Variants in TRPS1 observed in about 807,000 individuals in gnomAD.
The protein encoded by TRPS1 is zinc finger transcription factor Trps1.
A neutral mutation model predicts 101.2 loss-of-function variants in TRPS1; 6 were observed. The ratio of observed to expected loss-of-function variants is 0.06; its 90% CI spans 0.03 to 0.12. The LOEUF is 0.12. Among genes scored for constraint, TRPS1 ranks in the 10% least tolerant of loss-of-function variants. The probability of loss-of-function intolerance (pLI) is 1.00; values close to 1 mark genes in which losing one functional copy is unlikely to be tolerated. For missense variants in TRPS1, 1,363 were observed against 1,567.0 expected, an observed-to-expected ratio of 0.87 and a Z score of 2.20; for synonymous variants, 578 against 589.8, an observed-to-expected ratio of 0.98 and a Z score of 0.29.
Position 115,418,517 on chromosome 8 carries a change from C to A in TRPS1, c.2701-65G>T. The A allele has an allele frequency of 6.2e-7, 1 of 1,611,520 alleles. No homozygotes were observed. Among genetic ancestry groups the A allele is most frequent in the Non-Finnish European group, 8.5e-7 (1 of 1,178,166 alleles). ...CATGATCAGTGGAGTTAGACCAAAT[C>A]AACCCAGGAGTTTTGTCTTTAAACT... On this transcript the variant is annotated intron_variant, in intron 5 of 6. Transcript: ENST00000395715. The surrounding 1 kb of genome is among the most constrained non-coding windows in gnomAD (Gnocchi z 4.3).
At chr8:115,596,543 G>A (rs949165529) in intron 4 of TRPS1, among the ~76,000 whole-genome samples, 8 of 151,800 alleles carry the variant, frequency 5.3e-5, no homozygotes, top group South Asian at 2.1e-4. Flanking sequence ...AGATCTATGC[G>A]TGTGTAGAGA....
intron 5 of TRPS1, among the ~76,000 whole-genome samples, chr8:115,549,644 A>C (rs1816657366): frequency 6.6e-6 from 1 of 151,462 alleles, no homozygotes; most frequent in Admixed American, 6.6e-5. Context: ...ACCTTGGTCA[A>C]GTAGCTTCTC....
At chr8:115,461,515 C>T (rs1814177812) in intron 5 of TRPS1, among the ~76,000 whole-genome samples, 1 of 152,152 alleles carries the variant, frequency 6.6e-6, no homozygotes, top group African/African-American at 2.4e-5. Flanking sequence ...TCTTATTCAC[C>T]CATGTGTCCC....
At chr8:115,648,914 T>C (rs1297675728) in intron 1 of TRPS1, among the ~76,000 whole-genome samples, 1 of 152,066 alleles carries the variant, frequency 6.6e-6, no homozygotes, top group Non-Finnish European at 1.5e-5. Flanking sequence ...ATACTCCATG[T>C]GGAGCAGGGG....
At chr8:115,649,522 A>C (rs1386704089) in intron 1 of TRPS1, among the ~76,000 whole-genome samples, 4 of 152,196 alleles carry the variant, frequency 2.6e-5, no homozygotes, top group African/African-American at 9.6e-5. Flanking sequence ...TGAAGACAAC[A>C]TACAGCACAC....
chr8:115,522,051 T>C (rs1007038505), intron 5 of TRPS1, among the ~76,000 whole-genome samples: 4 of 151,952 alleles, frequency 2.6e-5, no homozygotes, highest in Non-Finnish European at 5.9e-5. Flanking sequence ...ATGTCAACAA[T>C]AAGTATGTGC....
intron 5 of TRPS1, among the ~76,000 whole-genome samples, chr8:115,474,643 G>C (rs928825170): frequency 6.6e-6 from 1 of 151,888 alleles, no homozygotes; most frequent in Admixed American, 6.6e-5. Flanking sequence ...TATGTTCAAT[G>C]GTGTTGCAAA....
At chr8:115,531,871 G>A (rs1260986631) in intron 5 of TRPS1, among the ~76,000 whole-genome samples, 1 of 152,052 alleles carries the variant, frequency 6.6e-6, no homozygotes, top group Non-Finnish European at 1.5e-5. Context: ...GGAGGCGGGT[G>A]CTTATTTCAT....
At chr8:115,646,587 TACTCTAGG>T (rs749117337) in intron 1 of TRPS1, among the ~76,000 whole-genome samples, 15 of 152,158 alleles carry the variant, frequency 9.9e-5, no homozygotes, top group Non-Finnish European at 2.2e-4. Flanking sequence ...ATGCCCCCCA[TACTCTAGG>T]ACTTGCTCCT....
intron 5 of TRPS1, among the ~76,000 whole-genome samples, chr8:115,471,844 G>C (rs1814477811): frequency 1.3e-5 from 2 of 152,308 alleles, no homozygotes; most frequent in South Asian, 4.1e-4. Flanking sequence ...TCAATGCTCT[G>C]AAATGATCTC....
At chr8:115,517,441 T>A (rs1040298510) in intron 5 of TRPS1, among the ~76,000 whole-genome samples, 8 of 151,550 alleles carry the variant, frequency 5.3e-5, no homozygotes, top group Admixed American at 4.6e-4. Flanking sequence ...ACAGTTATTA[T>A]TAAAATGAGA....
At chr8:115,527,181 A>G (rs1816018753) in intron 5 of TRPS1, among the ~76,000 whole-genome samples, 1 of 151,946 alleles carries the variant, frequency 6.6e-6, no homozygotes, top group African/African-American at 2.4e-5. Context: ...TTCAGCCCTC[A>G]GCCTTTTTTT....
rs1050318284 is a variant in TRPS1, at chr8:115,418,957, A to G, written c.2701-505T>C. 1.1e-4 allele frequency among the ~76,000 whole-genome samples: 17 copies of G among 152,196 alleles called. No homozygotes were observed. The highest frequency in any genetic ancestry group is 3.9e-4 in the African/African-American group (16 of 41,456). On this transcript the variant is annotated intron_variant, in intron 5 of 6. Transcript: ENST00000395715. The surrounding 1 kb of genome is among the most constrained non-coding windows in gnomAD (Gnocchi z 4.3). ...CGTAAGTATTACGAGAATATAAGACACTCAATTCTGGTCTTTCGTTTGCAA... is the reference window on the plus strand; with the variant it reads ...CGTAAGTATTACGAGAATATAAGACGCTCAATTCTGGTCTTTCGTTTGCAA...
intron 5 of TRPS1, among the ~76,000 whole-genome samples, chr8:115,455,572 A>G (rs1413335641): frequency 3.3e-5 from 5 of 152,172 alleles, no homozygotes; most frequent in African/African-American, 1.2e-4. Context: ...CAGGGTGTAC[A>G]TCAATGCGTT....
At position 115,619,312 on chromosome 8, in the gene TRPS1, T is replaced by A. The variant is rs759488772; in HGVS notation, c.786A>T (p.Gly262=). 1.2e-6 allele frequency: 2 copies of A among 1,614,088 alleles called. No homozygotes were observed. Among genetic ancestry groups the A allele is most frequent in the African/African-American group, 1.3e-5 (1 of 74,922 alleles). The part of the protein sequence containing the change: ...LIKHFRKYHL[G]LHNRTRQDAE... ...CATCTTGCCTGGTGCGGTTATGCAG[T>A]CCTAAGTGATACTTTCGGAAGTGCT... The change falls in exon 3 of 7, where the codon GGA becomes GGT. Residue 262 remains glycine, a synonymous_variant. Coordinates refer to ENST00000395715, the MANE Select transcript of TRPS1 (RefSeq NM_014112.5).
intron 5 of TRPS1, among the ~76,000 whole-genome samples, chr8:115,424,999 C>A (rs1207317255): frequency 1.3e-5 from 2 of 152,168 alleles, no homozygotes; most frequent in Non-Finnish European, 2.9e-5. Flanking sequence ...CTGTTGACTA[C>A]ACACCAGTAG....
In TRPS1 at chr8:115,619,920, CCGTATTTT is replaced by C; in HGVS notation, c.170_177del (p.Glu57GlyfsTer4). Reference sequence around the variant, plus strand: ...TTTAGTTCTGCAGCATCACTCTGATCCGTATTTTCTGACATCTGATCTGCAGAAAATTC... The same window carrying C: ...TTTAGTTCTGCAGCATCACTCTGATCCTGACATCTGATCTGCAGAAAATTC... On this transcript the variant is annotated frameshift_variant, in exon 3 of 7. Coordinates refer to ENST00000395715, the MANE Select transcript of TRPS1 (RefSeq NM_014112.5). LOFTEE classifies it high-confidence loss of function. 1 of 1,614,190 alleles carries C rather than the reference CCGTATTTT, an allele frequency of 6.2e-7. No individual in the cohort carries two copies. Among genetic ancestry groups the C allele is most frequent in the Non-Finnish European group, 8.5e-7 (1 of 1,180,038 alleles).
intron 5 of TRPS1, among the ~76,000 whole-genome samples, chr8:115,439,248 G>A (rs1057471978): frequency 5.9e-5 from 9 of 152,116 alleles, no homozygotes; most frequent in South Asian, 4.1e-4. Context: ...CTGCACTGTC[G>A]TTTACAGTGA....
chr8:115,535,049 G>A (rs1243324783), intron 5 of TRPS1, among the ~76,000 whole-genome samples: 1 of 146,982 alleles, frequency 6.8e-6, no homozygotes, highest in Non-Finnish European at 1.5e-5. Context: ...CATATATATA[G>A]CATATGTATA....
Sources: allele counts gnomAD v4.1 joint callset (sites outside exome capture counted in the v4.1 genomes callset), GRCh38; gene constraint gnomAD v4.1.1; non-coding constraint Gnocchi (gnomAD v3.1); transcripts MANE v1.5; gene names NCBI Gene and HGNC (gene_info 2026-07-23, HGNC 2026-07-21).